INSIG2: variants seen among roughly 807,000 people sequenced by gnomAD.
INSIG2 encodes the protein insulin induced gene 2, also known as insulin-induced gene 2 protein.
A neutral mutation model predicts 27.2 loss-of-function variants in INSIG2; 10 were observed. That is an observed-to-expected ratio of 0.37 (90% CI 0.23 to 0.62). The LOEUF (loss-of-function observed/expected upper bound fraction) is 0.62, where lower values mean the gene tolerates loss of function less well. INSIG2 is among the 20% of genes least tolerant of loss of function. The pLI is 0.65. For synonymous variants in INSIG2, 97 were observed against 95.8 expected, an observed-to-expected ratio of 1.01 and a Z score of -0.07; for missense variants, 178 against 270.2, an observed-to-expected ratio of 0.66 and a Z score of 2.39.
intron 3 of INSIG2, among the ~76,000 whole-genome samples, chr2:118,105,542 TAAG>T (rs1295098120): frequency 6.6e-6 from 1 of 152,160 alleles, no homozygotes; most frequent in Non-Finnish European, 1.5e-5. Context: ...AGCATAACAA[TAAG>T]AAAAGCTTTT....
At position 118,106,918 on chromosome 2, in the gene INSIG2, T is replaced by G; in HGVS notation, c.536+15T>G. 6.2e-7 allele frequency: 1 copy of G among 1,610,896 alleles called. No homozygotes were observed. The highest frequency in any genetic ancestry group is 1.1e-5 in the South Asian group (1 of 90,500). On this transcript the variant is annotated intron_variant, in intron 4 of 5. Coordinates refer to ENST00000245787, the MANE Select transcript of INSIG2 (RefSeq NM_016133.4). ...GGTGTTTACCAGTAAGTATTAATCC[T>G]TCAATTTTTGGTGCTTGTTTGCTAG... is the stretch of plus-strand genomic sequence containing the variant.
In INSIG2 at chr2:118,096,796, T is replaced by C. The variant is rs751179994; in HGVS notation, c.240T>C (p.Ala80=). 1 of 1,612,502 alleles carries C rather than the reference T, an allele frequency of 6.2e-7. No individual in the cohort carries two copies. The highest frequency in any genetic ancestry group is 8.5e-7 in the Non-Finnish European group (1 of 1,179,982). Residue 80 remains alanine, a synonymous_variant, in exon 2 of 6, where the codon GCT becomes GCC. Transcript: ENST00000245787. ...GGGTACCCCCATGCTGTGGCACGGC[T>C]TCAGGTATGTGTAGGATGTTTCTGT... The part of the protein sequence containing the change: ...AWWVPPCCGT[A]SAVIGLLYPC...
In INSIG2 at chr2:118,103,182, C is replaced by A; in HGVS notation, c.245-15C>A. 1 of 1,585,732 alleles carries A rather than the reference C, an allele frequency of 6.3e-7. No homozygotes were observed. Among genetic ancestry groups the A allele is most frequent in the Non-Finnish European group, 8.6e-7 (1 of 1,165,666 alleles). ...ACATTGGAGGTAACTTAATTTTTTT[C>A]TTTTTTCCCTACAGCTGTGATTGGG... On this transcript the variant is annotated splice_polypyrimidine_tract_variant and intron_variant, in intron 2 of 5. Coordinates refer to ENST00000245787, the MANE Select transcript of INSIG2 (RefSeq NM_016133.4).
At chr2:118,097,184 C>G (rs539537654) in intron 2 of INSIG2, among the ~76,000 whole-genome samples, 11 of 152,186 alleles carry the variant, frequency 7.2e-5, no homozygotes, top group Non-Finnish European at 1.3e-4. Flanking sequence ...TCTATCTGTC[C>G]TGTAAACTTT....
At chr2:118,100,884 T>C (rs1325480995) in intron 2 of INSIG2, among the ~76,000 whole-genome samples, 1 of 152,154 alleles carries the variant, frequency 6.6e-6, no homozygotes, top group Non-Finnish European at 1.5e-5. Context: ...CACATTCCCA[T>C]AAAAAAGTGA....
chr2:118,097,684 T>A (rs1678444042), intron 2 of INSIG2, among the ~76,000 whole-genome samples: 1 of 152,188 alleles, frequency 6.6e-6, no homozygotes, highest in African/African-American at 2.4e-5. Flanking sequence ...AATAATAAAG[T>A]AATAAAAGGA....
intron 1 of INSIG2, among the ~76,000 whole-genome samples, chr2:118,095,801 AGAGT>A (rs1678392381): frequency 6.6e-6 from 1 of 152,064 alleles, no homozygotes; most frequent in Non-Finnish European, 1.5e-5. Context: ...GCCCCTGGGG[AGAGT>A]GAGTCAGGTC....
At chr2:118,100,373 C>CTTTTTTT (rs70949913) in intron 2 of INSIG2, among the ~76,000 whole-genome samples, 35 of 81,512 alleles carry the variant, frequency 4.3e-4, no homozygotes, top group Non-Finnish European at 5.2e-4. Flanking sequence ...ACTCTTTTGC[C>CTTTTTTT]TTTTTTTTTT....
intron 1 of INSIG2, among the ~76,000 whole-genome samples, chr2:118,095,017 C>G: frequency 6.6e-6 from 1 of 152,178 alleles, no homozygotes; most frequent in East Asian, 1.9e-4. Context: ...CCACTGTGGG[C>G]TAAGCAGGAA....
chr2:118,099,821 T>C (rs1250905071), intron 2 of INSIG2, among the ~76,000 whole-genome samples: 4 of 152,238 alleles, frequency 2.6e-5, no homozygotes, highest in Admixed American at 2.6e-4. Context: ...ATCTTTCCTC[T>C]GTCTCTTTCT....
rs749320625 is a variant in INSIG2, at chr2:118,096,723, C to T, written c.167C>T (p.Thr56Met). 1.3e-5 allele frequency: 21 copies of T among 1,613,768 alleles called. No individual in the cohort carries two copies. Among genetic ancestry groups the T allele is most frequent in the East Asian group, 2.2e-5 (1 of 44,894 alleles). The change falls in exon 2 of 6, where the codon ACG (threonine) becomes ATG (methionine). Residue 56 changes from threonine (T) to methionine (M), a missense_variant. Coordinates refer to ENST00000245787, the MANE Select transcript of INSIG2 (RefSeq NM_016133.4). ...LNLLQIQRNV[T>M]LFPPDVIASI... is the part of the protein sequence containing the mutation. ...TTACTTCAGATTCAGAGAAATGTGA[C>T]GCTCTTTCCACCTGATGTGATTGCA...
intron 2 of INSIG2, among the ~76,000 whole-genome samples, chr2:118,102,046 G>T (rs747299445): frequency 6.6e-6 from 1 of 152,200 alleles, no homozygotes; most frequent in Non-Finnish European, 1.5e-5. Context: ...GTGAGATACA[G>T]CTGGCTAATA....
chr2:118,092,429 G>A (rs1264517451), intron 1 of INSIG2, among the ~76,000 whole-genome samples: 3 of 152,100 alleles, frequency 2.0e-5, no homozygotes. Flanking sequence ...ATAGTCACCT[G>A]CTTGTTTTGG....
chr2:118,096,416 C>A lies in INSIG2; in HGVS notation c.-138-3C>A. 1.4e-6 allele frequency: 1 copy of A among 725,044 alleles called. No homozygotes were observed. The allele number at this position is 725,044 out of a possible 1,614,324, so 44.9% of individuals were successfully genotyped here. A position where few individuals can be genotyped will look rare whatever the true frequency, so the allele number is the denominator to read the frequency against. ...TTAATTTCTTTTTTCTTATCTCTTGCAGGATTTCTGGTAGGTCCTACTTTA... is the reference window on the plus strand; with the variant it reads ...TTAATTTCTTTTTTCTTATCTCTTGAAGGATTTCTGGTAGGTCCTACTTTA... On this transcript the variant is annotated splice_polypyrimidine_tract_variant and splice_region_variant and intron_variant, in intron 1 of 5. Transcript: ENST00000245787.
intron 2 of INSIG2, among the ~76,000 whole-genome samples, chr2:118,101,225 T>A (rs1221887853): frequency 6.6e-6 from 1 of 152,172 alleles, no homozygotes; most frequent in Non-Finnish European, 1.5e-5. Context: ...AGAAGACATT[T>A]AATGGGAAGT....
At chr2:118,100,523 C>T (rs373498291) in intron 2 of INSIG2, among the ~76,000 whole-genome samples, 58 of 151,960 alleles carry the variant, frequency 3.8e-4, no homozygotes, top group East Asian at 3.5e-3. Flanking sequence ...GGATTACAGG[C>T]GCCCACCACT....
At chr2:118,105,789 A>G (rs1258454913) in intron 3 of INSIG2, among the ~76,000 whole-genome samples, 1 of 152,130 alleles carries the variant, frequency 6.6e-6, no homozygotes, top group African/African-American at 2.4e-5. Context: ...CAGCATGGTC[A>G]GTTTGGTGAT....
intron 1 of INSIG2, among the ~76,000 whole-genome samples, chr2:118,093,848 A>AGATGAT (rs78784343): frequency 1.5e-5 from 1 of 67,222 alleles, no homozygotes; most frequent in Non-Finnish European, 3.1e-5. Flanking sequence ...GAAAGCAACC[A>AGATGAT]GATGATGATG....
rs146236953 is a variant in INSIG2, at chr2:118,089,530, A to G, written c.-139+989A>G. The stretch of plus-strand genomic sequence containing the variant: ...TTGGGTTTGGCCCTGATAGTGAACC[A>G]CTGAATGAAGATGGATGAAGGGAAT... On this transcript the variant is annotated intron_variant, in intron 1 of 5. Coordinates refer to ENST00000245787, the MANE Select transcript of INSIG2 (RefSeq NM_016133.4). Among the ~76,000 whole-genome samples the G allele has an allele frequency of 5.2e-3, 791 of 152,272 alleles. 9 individuals are homozygous for G. Among genetic ancestry groups the G allele is most frequent in the African/African-American group, 0.018 (756 of 41,554 alleles).
Sources: allele counts gnomAD v4.1 joint callset (sites outside exome capture counted in the v4.1 genomes callset), GRCh38; gene constraint gnomAD v4.1.1; transcripts MANE v1.5; gene names NCBI Gene and HGNC (gene_info 2026-07-23, HGNC 2026-07-21).